The following ITPR3 variants were observed in gnomAD, a reference collection of about 807,000 sequenced individuals.
The protein encoded by ITPR3 is inositol 1,4,5-trisphosphate-gated calcium channel ITPR3.
ITPR3 carries 173 observed loss-of-function variants against 293.2 expected under a neutral mutation model. The observed-to-expected ratio is 0.59, with a 90% confidence interval of 0.52 to 0.67. The LOEUF is 0.67. Among genes scored for constraint, ITPR3 ranks in the 30% least tolerant of loss-of-function variants. The pLI, the probability that ITPR3 is intolerant of heterozygous loss-of-function variation, is 0.00. For missense variants in ITPR3, 2,796 were observed against 3,592.1 expected (o/e 0.78, Z 5.66); for synonymous variants, 1,295 against 1,444.4 (o/e 0.90, Z 2.35).
chr6:33,678,077 G>A (rs764563722), intron 28 of ITPR3, among the ~76,000 whole-genome samples: 4 of 151,882 alleles, frequency 2.6e-5, no homozygotes, highest in Non-Finnish European at 4.4e-5. Flanking sequence ...ATGCTGACCT[G>A]TCCCCAGGCC....
intron 49 of ITPR3, 31 bp from the exon 50 acceptor site, chr6:33,689,207 G>T (rs377755835): frequency 2.2e-5 from 36 of 1,601,732 alleles, no homozygotes; most frequent in Non-Finnish European, 2.5e-5. Context: ...GGGCTTGAGG[G>T]AGCCCTGCTC....
At chr6:33,663,046 C>A in intron 9 of ITPR3, 40 bp downstream of exon 9, 1 of 1,526,876 alleles carries the variant, frequency 6.5e-7, no homozygotes. Flanking sequence ...CTCGTGTGTG[C>A]ATGTACACGT....
At chr6:33,678,955 C>G in intron 30 of ITPR3, 116 bp downstream of exon 30, 1 of 1,034,304 alleles carries the variant, frequency 9.7e-7, no homozygotes, top group Non-Finnish European at 1.4e-6. Flanking sequence ...AAGGAACACT[C>G]AGCTGCTGAC....
rs1284226705 is a variant in ITPR3 at position 33,683,940 on chromosome 6, T to G, written c.4789-80T>G. The G allele has an allele frequency of 4.7e-6, 7 of 1,492,796 alleles. No individual in the cohort carries two copies. The highest frequency in any genetic ancestry group is 2.8e-5 in the African/African-American group (2 of 72,660). 92.5% of individuals were successfully genotyped at this position (1,492,796 alleles called of 1,614,324 possible). A position where few individuals can be genotyped will look rare whatever the true frequency, so the allele number is the denominator to read the frequency against. On this transcript the variant is annotated intron_variant, in intron 35 of 57. Coordinates refer to ENST00000605930, the MANE Select transcript of ITPR3 (RefSeq NM_002224.4). This position sits in a 1 kb window ranked among gnomAD's most constrained non-coding sequence, Gnocchi z 4.5. ...AGGCAGGGCAATCTGTGGGGCTGTT[T>G]GGCGTTTGGGTCGGAGGAATGGCAG...
Position 33,677,514 on chromosome 6 carries a change from G to T in ITPR3, c.3533G>T (p.Arg1178Met). Residue 1178 changes from arginine to methionine, a missense_variant, in exon 28 of 58, where the codon AGG becomes ATG. By Grantham distance (91) the Arg-to-Met change is moderately conservative. This residue lies in a region of ITPR3 where 344 missense variants were observed against 460.3 expected (regional missense o/e 0.75). Transcript: ENST00000605930. Reference protein sequence around the residue: ...NYQIVKGILERLNKMCGVGEQ... With the variant: ...NYQIVKGILEMLNKMCGVGEQ... The stretch of plus-strand genomic sequence containing the variant: ...CCGCCTCCCCTGCAGATCCTGGAAA[G>T]GCTGAACAAGATGTGCGGGGTTGGG... The T allele has an allele frequency of 6.2e-7, 1 of 1,613,990 alleles. No individual in the cohort carries two copies. The highest frequency in any genetic ancestry group is 8.5e-7 in the Non-Finnish European group (1 of 1,179,940).
In ITPR3 at chr6:33,672,013, G is replaced by A; in HGVS notation, c.2729-16G>A. 6.3e-7 allele frequency: 1 copy of A among 1,585,234 alleles called. No individual in the cohort carries two copies. ...TACAACCTCCTTGGCAACCTCCTCT[G>A]CTTCCCCCTCCACAGGCAAGAATGT... On this transcript the variant is annotated splice_polypyrimidine_tract_variant and intron_variant, in intron 21 of 57. Transcript: ENST00000605930. This position sits in a 1 kb window ranked among gnomAD's most constrained non-coding sequence, Gnocchi z 5.0.
rs780461992 is a variant in ITPR3, at chr6:33,684,137, C to T, written c.4906C>T (p.Gln1636Ter). ...CTTCCTGGAGGGCAGTGAGGCCTAC[C>T]AGCGCTGCGAGAGTGGGGGCTTCCT... is the stretch of plus-strand genomic sequence containing the variant. The part of the protein sequence containing the change: ...LLFLEGSEAY[Q>*]RCESGGFLSK... Residue 1636 changes from glutamine to a stop codon, truncating the protein, a stop_gained, in exon 36 of 58, where the codon CAG (glutamine) becomes TAG (stop). Coordinates refer to ENST00000605930, the MANE Select transcript of ITPR3 (RefSeq NM_002224.4). LOFTEE classifies it high-confidence loss of function. This position sits in a 1 kb window ranked among gnomAD's most constrained non-coding sequence, Gnocchi z 4.2. 2.5e-6 allele frequency: 4 copies of T among 1,611,122 alleles called. No homozygotes were observed. The highest frequency in any genetic ancestry group is 3.4e-6 in the Non-Finnish European group (4 of 1,179,850).
At chr6:33,678,601 G>T in intron 29 of ITPR3, 38 bp from the exon 30 acceptor site, 3 of 1,572,478 alleles carry the variant, frequency 1.9e-6, no homozygotes, top group Non-Finnish European at 2.6e-6. Context: ...GTGGGGGCGG[G>T]GCCCAGATCT....
chr6:33,671,336 T>C, intron 21 of ITPR3, 30 bp downstream of exon 21: 1 of 1,549,590 alleles, frequency 6.5e-7, no homozygotes, highest in Non-Finnish European at 8.8e-7. Flanking sequence ...CGGGCCACCC[T>C]GGTGGTCCTC....
At position 33,666,425 on chromosome 6, in the gene ITPR3, T is replaced by C. The variant is rs187593989; in HGVS notation, c.1551+449T>C. On this transcript the variant is annotated intron_variant, in intron 14 of 57. Transcript: ENST00000605930. This position sits in a 1 kb window ranked among gnomAD's most constrained non-coding sequence, Gnocchi z 5.1. Reference sequence around the variant, plus strand: ...ATGTAGCTCGGTTCACACATCCGTCTTTCCATCCACACATTGCAAAATAGG... The same window carrying C: ...ATGTAGCTCGGTTCACACATCCGTCCTTCCATCCACACATTGCAAAATAGG... 4.2e-3 allele frequency among the ~76,000 whole-genome samples: 643 copies of C among 152,344 alleles called. 1 individual carries two copies. Among genetic ancestry groups the C allele is most frequent in the Non-Finnish European group, 7.3e-3 (494 of 68,038 alleles).
At position 33,640,465 on chromosome 6, in the gene ITPR3, G is replaced by A. The variant is rs1181475391; in HGVS notation, c.90-19G>A. On this transcript the variant is annotated intron_variant, in intron 1 of 57. Transcript: ENST00000605930. ...ATAGGTCTCTTCTCTCCTGCTGACC[G>A]AGCTGCTTTGTTCCCCAGGCTGGTG... The A allele has an allele frequency of 8.7e-6, 14 of 1,611,282 alleles. No homozygotes were observed. Among genetic ancestry groups the A allele is most frequent in the African/African-American group, 2.7e-5 (2 of 74,814 alleles).
intron 30 of ITPR3, 137 bp downstream of exon 30, chr6:33,678,976 A>G: frequency 3.5e-6 from 3 of 864,124 alleles, no homozygotes; most frequent in East Asian, 2.7e-5. Context: ...CATGGAGGGG[A>G]CGCAGAGGGA....
At chr6:33,635,797 T>C (rs901028529) in intron 1 of ITPR3, among the ~76,000 whole-genome samples, 1 of 148,506 alleles carries the variant, frequency 6.7e-6, no homozygotes, top group Admixed American at 6.7e-5. Context: ...CCTGGGGGAT[T>C]GAGGAGCCTG....
chr6:33,623,879 G>A (rs1763496839), intron 1 of ITPR3, among the ~76,000 whole-genome samples: 2 of 152,158 alleles, frequency 1.3e-5, no homozygotes, highest in Admixed American at 6.5e-5. Flanking sequence ...TTCCACCAGC[G>A]GATGTCCACC....
chr6:33,695,792 G>A lies in ITPR3; in HGVS notation c.*12G>A, dbSNP rs768773871. The A allele has an allele frequency of 1.2e-5, 19 of 1,613,720 alleles. 1 individual carries two copies. Among genetic ancestry groups the A allele is most frequent in the Middle Eastern group, 1.7e-4 (1 of 6,060 alleles). On this transcript the variant is annotated 3_prime_UTR_variant, in exon 58 of 58. Transcript: ENST00000605930. ...GCATTAGCCGCTGAGGAGAGCCACC[G>A]AAGGCCCCAACAGGGGATGCTCATC...
At chr6:33,678,336 C>T in intron 28 of ITPR3, 85 bp from the exon 29 acceptor site, 1 of 1,562,304 alleles carries the variant, frequency 6.4e-7, no homozygotes, top group Admixed American at 1.7e-5. Context: ...AAGCCCGACC[C>T]ACCCCTGCTC....
chr6:33,680,674 C>T lies in ITPR3; in HGVS notation c.4470C>T (p.Ser1490=), dbSNP rs1765049154. 1 of 1,611,718 alleles carries T rather than the reference C, an allele frequency of 6.2e-7. No individual in the cohort carries two copies. Among genetic ancestry groups the T allele is most frequent in the African/African-American group, 1.3e-5 (1 of 74,884 alleles). Residue 1490 remains serine (S), a synonymous_variant, in exon 33 of 58, where the codon TCC becomes TCT. Transcript: ENST00000605930. The part of the protein sequence containing the change: ...FSSPFSENST[S]LQTHQTIVVQ... ...CCCCATTCTCTGAGAACAGCACTTCCCTGCAGGTGAGCTTCTCCTCTCCCA... is the reference window on the plus strand; with the variant it reads ...CCCCATTCTCTGAGAACAGCACTTCTCTGCAGGTGAGCTTCTCCTCTCCCA...
chr6:33,686,905 C>T (rs1765246701), intron 43 of ITPR3, 104 bp from the exon 44 acceptor site: 1 of 930,948 alleles, frequency 1.1e-6, no homozygotes, highest in African/African-American at 1.6e-5. Flanking sequence ...GGCACCTGAC[C>T]TTTTGTTGGA....
At chr6:33,637,697 C>T (rs1230330913) in intron 1 of ITPR3, among the ~76,000 whole-genome samples, 1 of 151,626 alleles carries the variant, frequency 6.6e-6, no homozygotes, top group Non-Finnish European at 1.5e-5. Context: ...GACTCGATCT[C>T]GGCTCACTGC....
Sources: allele counts gnomAD v4.1 joint callset (sites outside exome capture counted in the v4.1 genomes callset), GRCh38; gene constraint gnomAD v4.1.1; regional missense constraint gnomAD v4.1.1; non-coding constraint Gnocchi (gnomAD v3.1); transcripts MANE v1.5; gene names NCBI Gene and HGNC (gene_info 2026-07-23, HGNC 2026-07-21).